The following MROH7 variants were observed in gnomAD, a reference collection of about 807,000 sequenced individuals.
MROH7 encodes the protein maestro heat-like repeat-containing protein family member 7.
MROH7 carries 113 observed loss-of-function variants against 129.2 expected under a neutral mutation model. The observed-to-expected ratio is 0.87, with a 90% CI of 0.75 to 1.02. The LOEUF (loss-of-function observed/expected upper bound fraction) is 1.02, where lower values mean the gene tolerates loss of function less well. MROH7 is among the 50% of genes least tolerant of loss of function. MROH7 has a pLI of 0.00. For synonymous variants in MROH7, 655 were observed against 667.9 expected (o/e 0.98, Z 0.30); for missense variants, 1,601 against 1,671.3 (o/e 0.96, Z 0.73).
At chr1:54,659,228 G>A in intron 3 of MROH7, 1 of 265,946 alleles carries the variant, frequency 3.8e-6, no homozygotes, top group Non-Finnish European at 7.3e-6. Context: ...CTGAGTAGCT[G>A]GGATTACAGG....
intron 8 of MROH7, among the ~76,000 whole-genome samples, 156 bp downstream of exon 8, chr1:54,673,342 T>C (rs1007055202): frequency 6.6e-6 from 1 of 151,996 alleles, no homozygotes; most frequent in African/African-American, 2.4e-5. Flanking sequence ...TCACAGGCCC[T>C]GTCCCAGACT....
intron 1 of MROH7, among the ~76,000 whole-genome samples, chr1:54,647,988 C>T (rs931957220): frequency 6.6e-6 from 1 of 151,126 alleles, no homozygotes; most frequent in Non-Finnish European, 1.5e-5. Context: ...TGTTCCACTG[C>T]CATTTGTTGA....
chr1:54,682,061 C>T (rs76146638), intron 13 of MROH7, among the ~76,000 whole-genome samples: 1 of 152,006 alleles, frequency 6.6e-6, no homozygotes, highest in South Asian at 2.1e-4. Context: ...GCCTGGTGTA[C>T]AGTAAATGCT....
At chr1:54,685,463 AGGCGCCAGGGAG>A (rs1645133002) in intron 14 of MROH7, among the ~76,000 whole-genome samples, 1 of 152,208 alleles carries the variant, frequency 6.6e-6, no homozygotes, top group African/African-American at 2.4e-5. Flanking sequence ...TGAGGCCCAG[AGGCGCCAGGGAG>A]TGGTAGAGCC....
At chr1:54,694,357 T>C (rs940729496) in intron 16 of MROH7, among the ~76,000 whole-genome samples, 8 of 152,228 alleles carry the variant, frequency 5.3e-5, no homozygotes, top group South Asian at 4.1e-4. Flanking sequence ...TGGTGGAGCA[T>C]AATGCAGTGC....
At chr1:54,687,098 G>C (rs28684370) in intron 15 of MROH7, among the ~76,000 whole-genome samples, 2,854 of 150,066 alleles carry the variant, frequency 0.019, 100 homozygotes, top group African/African-American at 0.067. Flanking sequence ...ATTTGAGATG[G>C]AGTCTCGCTC....
At chr1:54,677,452 C>T (rs769997109) in intron 10 of MROH7, among the ~76,000 whole-genome samples, 5 of 152,106 alleles carry the variant, frequency 3.3e-5, no homozygotes, top group Non-Finnish European at 1.5e-5. Context: ...AAACAAAAAA[C>T]CCGAAGTGTG....
chr1:54,647,826 A>G (rs1396452402), intron 1 of MROH7, among the ~76,000 whole-genome samples: 1 of 148,840 alleles, frequency 6.7e-6, no homozygotes, highest in African/African-American at 2.5e-5. Flanking sequence ...AATCGCTTGA[A>G]CCTGGGAGGT....
intron 6 of MROH7, 79 bp from the exon 7 acceptor site, chr1:54,670,721 T>C (rs915849362): frequency 4.7e-6 from 7 of 1,486,280 alleles, no homozygotes; most frequent in Non-Finnish European, 6.4e-6. Flanking sequence ...CCAGTCCCTG[T>C]GCTCCTCAGC....
chr1:54,650,525 C>T (rs1226304676), intron 1 of MROH7, among the ~76,000 whole-genome samples: 2 of 150,292 alleles, frequency 1.3e-5, no homozygotes, highest in East Asian at 2.0e-4. Flanking sequence ...TTCCCTCTGG[C>T]CTTCCTCTTC....
Position 54,653,989 on chromosome 1 carries a change from A to C in MROH7, c.1063A>C (p.Ser355Arg), listed in dbSNP as rs367822729. ...FSDTSTLTLSSQQDDAKDNSI... is the reference protein window; with the variant it reads ...FSDTSTLTLSRQQDDAKDNSI... ...CGACACCTCCACCTTGACGCTGAGC[A>C]GTCAGCAGGATGATGCCAAGGACAA... is the stretch of plus-strand genomic sequence containing the variant. The change falls in exon 3 of 24, where the codon AGT (serine) becomes CGT (arginine). Residue 355 changes from serine to arginine, a missense_variant. Physicochemically the swap from Ser to Arg is moderately radical, Grantham distance 110 (BLOSUM62 -1). Coordinates refer to ENST00000421030, the MANE Select transcript of MROH7 (RefSeq NM_001039464.4). The C allele has an allele frequency of 4.0e-5, 64 of 1,614,106 alleles. No homozygotes were observed. Among genetic ancestry groups the C allele is most frequent in the Non-Finnish European group, 5.1e-5 (60 of 1,180,036 alleles).
intron 23 of MROH7, among the ~76,000 whole-genome samples, chr1:54,709,338 C>A (rs550342697): frequency 6.6e-6 from 1 of 152,320 alleles, no homozygotes; most frequent in South Asian, 2.1e-4. Context: ...CCTGCTTCAG[C>A]CTCGCAAGTA....
chr1:54,699,183 CTTTCTCTTTCTTTCTT>C (rs1557727395), intron 17 of MROH7: 3 of 127,372 alleles, frequency 2.4e-5, no homozygotes, highest in Non-Finnish European at 3.3e-5. Context: ...TTCTTTCTTT[CTTTCTCTTTCTTTCTT>C]TCTTTCTCTC....
chr1:54,695,493 A>G lies in MROH7; in HGVS notation c.2964+3A>G. On this transcript the variant is annotated splice_donor_region_variant and intron_variant, in intron 17 of 23. Transcript: ENST00000421030. Reference sequence around the variant, plus strand: ...CGGCCACCGCCTTCTTCGTGGAGGTACCAACGGGGGCAGCGGGTACACAGC... The same window carrying G: ...CGGCCACCGCCTTCTTCGTGGAGGTGCCAACGGGGGCAGCGGGTACACAGC... 1 of 1,606,452 alleles carries G rather than the reference A, an allele frequency of 6.2e-7. No individual in the cohort carries two copies. The highest frequency in any genetic ancestry group is 8.5e-7 in the Non-Finnish European group (1 of 1,173,974).
intron 3 of MROH7, among the ~76,000 whole-genome samples, chr1:54,655,555 T>A (rs1293376252): frequency 6.6e-6 from 1 of 151,454 alleles, no homozygotes; most frequent in Non-Finnish European, 1.5e-5. Flanking sequence ...TTATTTTTTA[T>A]TTTTTGTAGA....
At chr1:54,664,618 G>T (rs1644783395) in intron 3 of MROH7, among the ~76,000 whole-genome samples, 1 of 152,260 alleles carries the variant, frequency 6.6e-6, no homozygotes, top group South Asian at 2.1e-4. Context: ...ACCAGGCAGG[G>T]CATTGAGGGT....
intron 14 of MROH7, 102 bp downstream of exon 14, chr1:54,682,896 T>A: frequency 7.6e-7 from 1 of 1,308,056 alleles, no homozygotes; most frequent in Non-Finnish European, 1.0e-6. Flanking sequence ...TACCGCACTC[T>A]GCCAGTAACT....
At chr1:54,659,128 CT>C (rs1279144557) in intron 3 of MROH7, 1 of 438,794 alleles carries the variant, frequency 2.3e-6, no homozygotes, top group South Asian at 1.6e-5. Flanking sequence ...GAGTTTCACT[CT>C]TGTTGCCCAG....
chr1:54,652,052 G>C (rs1644566794), intron 2 of MROH7, 69 bp downstream of exon 2: 1 of 152,518 alleles, frequency 6.6e-6, no homozygotes, highest in African/African-American at 2.4e-5. Context: ...TGGGAGGACT[G>C]GGGAGTTCAT....
Sources: gnomAD v4.1 joint callset for allele counts (sites outside exome capture counted in the v4.1 genomes callset) on GRCh38, gnomAD v4.1.1 for gene constraint, MANE v1.5 for transcripts, NCBI Gene and HGNC (gene_info 2026-07-23, HGNC 2026-07-21) for gene names.